PAIP2B: variants seen among roughly 807,000 people sequenced by gnomAD.
The protein encoded by PAIP2B is poly(A) binding protein interacting protein 2B, also known as polyadenylate-binding protein-interacting protein 2B.
Under a neutral mutation model 17.0 loss-of-function variants are expected in PAIP2B, and 13 were observed. That is an observed-to-expected ratio of 0.76 (90% CI 0.50 to 1.22). The LOEUF is 1.22. Ranked by LOEUF, PAIP2B falls within the 50% of genes most tolerant of loss-of-function variation. The pLI, the probability that PAIP2B is intolerant of heterozygous loss-of-function variation, is 0.00. For synonymous variants in PAIP2B, 43 were observed against 48.7 expected (o/e 0.88, Z 0.48); for missense variants, 117 against 144.5 (o/e 0.81, Z 0.98).
intron 2 of PAIP2B, among the ~76,000 whole-genome samples, chr2:71,201,582 T>C (rs1418859526): frequency 6.6e-6 from 1 of 152,184 alleles, no homozygotes. Context: ...GGTTTTACCA[T>C]GTTGGCCAGG....
intron 2 of PAIP2B, among the ~76,000 whole-genome samples, chr2:71,197,120 G>T (rs1674842407): frequency 6.6e-6 from 1 of 152,164 alleles, no homozygotes; most frequent in Non-Finnish European, 1.5e-5. Flanking sequence ...ACTGGTCTGT[G>T]TGGTTAAGTG....
chr2:71,214,373 C>T (rs7578690), intron 1 of PAIP2B, among the ~76,000 whole-genome samples: 22,129 of 152,088 alleles, frequency 0.15, 1,846 homozygotes, highest in South Asian at 0.3. Flanking sequence ...AACAAAAGTA[C>T]TGAGGTCTTT....
At position 71,190,029 on chromosome 2, in the gene PAIP2B, G is replaced by A. The variant is rs1351503971; in HGVS notation, c.139-8C>T. ...CTGCAGTTCCTCCTCCACCTAGCAAGCAAAGGGGAGCAGCTCAGACTTACT... is the reference window on the plus strand; with the variant it reads ...CTGCAGTTCCTCCTCCACCTAGCAAACAAAGGGGAGCAGCTCAGACTTACT... On this transcript the variant is annotated splice_region_variant and splice_polypyrimidine_tract_variant and intron_variant, in intron 2 of 3. Coordinates refer to ENST00000244221, the MANE Select transcript of PAIP2B (RefSeq NM_020459.1). The A allele has an allele frequency of 1.9e-6, 3 of 1,606,084 alleles. No individual in the cohort carries two copies. The highest frequency in any genetic ancestry group is 2.6e-6 in the Non-Finnish European group (3 of 1,176,400).
chr2:71,204,160 C>T (rs1371523775), intron 1 of PAIP2B, among the ~76,000 whole-genome samples: 1 of 142,038 alleles, frequency 7.0e-6, no homozygotes, highest in Admixed American at 6.8e-5. Flanking sequence ...TAACTCACCA[C>T]AATATTATGA....
chr2:71,208,430 C>CA (rs60171186), intron 1 of PAIP2B, among the ~76,000 whole-genome samples: 54 of 144,198 alleles, frequency 3.7e-4, no homozygotes, highest in African/African-American at 1.0e-3. Flanking sequence ...TTCACCCCCC[C>CA]AAAAAAAAAA....
intron 2 of PAIP2B, 40 bp downstream of exon 2, chr2:71,202,412 A>G (rs763383549): frequency 6.2e-7 from 1 of 1,604,208 alleles, no homozygotes. Context: ...GTTGAGTTAC[A>G]TGTATCATCA....
rs1451864257 is a variant in PAIP2B at position 71,184,083 on chromosome 2, G to A, written c.*4396C>T. The stretch of plus-strand genomic sequence containing the variant: ...ACTGTTTTGTAGTAAGCACATTTTA[G>A]TAACTGTACACTAGTACAATGTTTT... On this transcript the variant is annotated 3_prime_UTR_variant, in exon 4 of 4. Coordinates refer to ENST00000244221, the MANE Select transcript of PAIP2B (RefSeq NM_020459.1). 4 of 152,158 alleles carry A rather than the reference G, an allele frequency of 2.6e-5. No individual in the cohort carries two copies. Among genetic ancestry groups the A allele is most frequent in the East Asian group, 1.9e-4 (1 of 5,196 alleles). The allele number at this position is 152,158 out of a possible 1,614,324, so 9.4% of individuals were successfully genotyped here. A position where few individuals can be genotyped will look rare whatever the true frequency, so the allele number is the denominator to read the frequency against.
chr2:71,215,873 A>G (rs1343030915), intron 1 of PAIP2B, among the ~76,000 whole-genome samples: 7 of 152,172 alleles, frequency 4.6e-5, no homozygotes, highest in Admixed American at 4.6e-4. Flanking sequence ...GTGTGTATCT[A>G]TGTGTTCCTT....
At chr2:71,226,329 A>AGG (rs972300953) in intron 1 of PAIP2B, among the ~76,000 whole-genome samples, 5 of 152,128 alleles carry the variant, frequency 3.3e-5, no homozygotes, top group Non-Finnish European at 7.4e-5. Flanking sequence ...AGGGGTTGGT[A>AGG]GGGGGTGATG....
chr2:71,215,731 T>G (rs549986408), intron 1 of PAIP2B, among the ~76,000 whole-genome samples: 10 of 152,382 alleles, frequency 6.6e-5, no homozygotes, highest in African/African-American at 2.4e-4. Context: ...TCTTTTCTCT[T>G]CAACGCAAAG....
intron 1 of PAIP2B, among the ~76,000 whole-genome samples, chr2:71,225,090 A>G (rs1216957579): frequency 2.6e-5 from 4 of 152,098 alleles, no homozygotes; most frequent in African/African-American, 4.8e-5. Flanking sequence ...GGGTCTCACT[A>G]TGTTGCCCAG....
chr2:71,216,057 A>C (rs116560210), intron 1 of PAIP2B, among the ~76,000 whole-genome samples: 1,624 of 152,372 alleles, frequency 0.011, 11 homozygotes, highest in Non-Finnish European at 0.018. Context: ...TATATTATCC[A>C]ACATTCCAAT....
At chr2:71,208,647 G>GA in intron 1 of PAIP2B, among the ~76,000 whole-genome samples, 1 of 152,104 alleles carries the variant, frequency 6.6e-6, no homozygotes, top group South Asian at 2.1e-4. Flanking sequence ...ACCTTATTTG[G>GA]AAAAAAGGGT....
Position 71,185,018 on chromosome 2 carries a change from G to A in PAIP2B, c.*3461C>T, listed in dbSNP as rs918564844. 1.3e-5 allele frequency: 2 copies of A among 152,182 alleles called. No individual in the cohort carries two copies. Among genetic ancestry groups the A allele is most frequent in the East Asian group, 1.9e-4 (1 of 5,188 alleles). 9.4% of individuals were successfully genotyped at this position (152,182 alleles called of 1,614,324 possible). ...AGATTCCTGGGTTCCTGATGGTTCA[G>A]GAGCCTGGGCTGTCATTTGTCTACC... On this transcript the variant is annotated 3_prime_UTR_variant, in exon 4 of 4. Transcript: ENST00000244221.
chr2:71,197,076 T>C (rs970806627), intron 2 of PAIP2B, among the ~76,000 whole-genome samples: 1 of 152,212 alleles, frequency 6.6e-6, no homozygotes, highest in African/African-American at 2.4e-5. Context: ...CTGGTTATTA[T>C]GTTGGCCTGT....
intron 1 of PAIP2B, among the ~76,000 whole-genome samples, chr2:71,224,072 G>C (rs902321999): frequency 6.6e-6 from 1 of 152,140 alleles, no homozygotes; most frequent in African/African-American, 2.4e-5. Flanking sequence ...AAGTCCCAAG[G>C]TGACCCTCAG....
chr2:71,198,791 T>C (rs929934095), intron 2 of PAIP2B, among the ~76,000 whole-genome samples: 2 of 152,258 alleles, frequency 1.3e-5, no homozygotes, highest in African/African-American at 4.8e-5. Context: ...CTGCTGTTAA[T>C]ACTTGTGATT....
chr2:71,203,403 G>A (rs1572929113), intron 1 of PAIP2B, among the ~76,000 whole-genome samples: 1 of 151,362 alleles, frequency 6.6e-6, no homozygotes, highest in East Asian at 2.1e-4. Flanking sequence ...TGTTACATTG[G>A]AGAGTATGTT....
intron 1 of PAIP2B, among the ~76,000 whole-genome samples, chr2:71,203,883 T>C (rs187795683): frequency 6.6e-6 from 1 of 152,242 alleles, no homozygotes; most frequent in African/African-American, 2.4e-5. Context: ...GTACATAAAA[T>C]TGTTTATTTT....
Sources: gnomAD v4.1 joint callset for allele counts (sites outside exome capture counted in the v4.1 genomes callset) on GRCh38, gnomAD v4.1.1 for gene constraint, MANE v1.5 for transcripts, NCBI Gene and HGNC (gene_info 2026-07-23, HGNC 2026-07-21) for gene names.